Variants in DMRT3 observed in about 807,000 individuals in gnomAD.
The protein encoded by DMRT3 is doublesex- and mab-3-related transcription factor 3.
Under a neutral mutation model 34.9 loss-of-function variants are expected in DMRT3, and 29 were observed. That is an observed-to-expected ratio of 0.83 (90% confidence interval 0.62 to 1.13). The LOEUF (loss-of-function observed/expected upper bound fraction) is 1.13, where lower values mean the gene tolerates loss of function less well. Ranked by LOEUF, DMRT3 falls within the 50% of genes most tolerant of loss-of-function variation. The probability of loss-of-function intolerance (pLI) is 0.00; values close to 1 mark genes in which losing one functional copy is unlikely to be tolerated. For synonymous variants in DMRT3, 350 were observed against 286.0 expected (o/e 1.22, Z -2.26); for missense variants, 772 against 629.1 (o/e 1.23, Z -2.43).
In DMRT3 at chr9:990,442, C is replaced by G; in HGVS notation, c.856C>G (p.Leu286Val). 10 of 1,614,188 alleles carry G rather than the reference C, an allele frequency of 6.2e-6. No individual in the cohort carries two copies. The highest frequency in any genetic ancestry group is 8.5e-6 in the Non-Finnish European group (10 of 1,180,036). Reference sequence around the variant, plus strand: ...CCTGGTGAGCGCCGTGGAAGTCCTTCTGTCCAGCCGATCCTCAGTCACGGG... The same window carrying G: ...CCTGGTGAGCGCCGTGGAAGTCCTTGTGTCCAGCCGATCCTCAGTCACGGG... ...GDLVSAVEVL[L>V]SSRSSVTGAE... Residue 286 changes from leucine (L) to valine (V), a missense_variant, in exon 2 of 2, where the codon CTG becomes GTG. By Grantham distance (32) the Leu-to-Val change is conservative (BLOSUM62 1). Coordinates refer to ENST00000190165, the MANE Select transcript of DMRT3 (RefSeq NM_021240.4).
rs1039631492 is a variant in DMRT3, at chr9:977,630, T to A, written c.454+175T>A. On this transcript the variant is annotated intron_variant, in intron 1 of 1. Transcript: ENST00000190165. ...CCTCTCCCGGGAGAAGCCGGCTGAG[T>A]CTGGACCCAGCGCGAGTGGCACTCG... 2.6e-4 allele frequency among the ~76,000 whole-genome samples: 40 copies of A among 151,954 alleles called. 1 individual carries two copies. Among genetic ancestry groups the A allele is most frequent in the African/African-American group, 9.7e-4 (40 of 41,440 alleles).
chr9:980,795 G>C (rs1256377621), intron 1 of DMRT3, among the ~76,000 whole-genome samples: 1 of 152,114 alleles, frequency 6.6e-6, no homozygotes, highest in Non-Finnish European at 1.5e-5. Context: ...CAAGAGCTGA[G>C]GGAAGTTAAG....
chr9:980,602 G>A (rs372318274), intron 1 of DMRT3, among the ~76,000 whole-genome samples: 11 of 142,132 alleles, frequency 7.7e-5, no homozygotes, highest in South Asian at 6.4e-4. Context: ...ATATGTGTGT[G>A]TATATATATA....
intron 1 of DMRT3, among the ~76,000 whole-genome samples, chr9:979,467 AGGACTTT>A (rs1402144342): frequency 6.6e-6 from 1 of 152,184 alleles, no homozygotes; most frequent in Non-Finnish European, 1.5e-5. Flanking sequence ...GGTCCAAGTG[AGGACTTT>A]GGGGGACCGA....
rs1563690384 is a variant in DMRT3 at position 990,230 on chromosome 9, A to G, written c.644A>G (p.Glu215Gly). The G allele has an allele frequency of 1.9e-6, 3 of 1,614,076 alleles. No individual in the cohort carries two copies. Among genetic ancestry groups the G allele is most frequent in the Non-Finnish European group, 2.5e-6 (3 of 1,180,020 alleles). The change falls in exon 2 of 2, where the codon GAG becomes GGG. Residue 215 changes from glutamate to glycine, a missense_variant. Transcript: ENST00000190165. ...YAVQKNGGNP[E>G]SRPDSPKCHA... The stretch of plus-strand genomic sequence containing the variant: ...GTCCAGAAAAACGGAGGCAACCCCG[A>G]GAGCCGCCCTGACAGCCCCAAGTGT...
Position 990,261 on chromosome 9 carries a change from G to A in DMRT3, c.675G>A (p.Ala225=), listed in dbSNP as rs1395808284. The change falls in exon 2 of 2, where the codon GCG becomes GCA. Residue 225 remains alanine, a synonymous_variant. Transcript: ENST00000190165. ...ESRPDSPKCH[A]EQNHLLIEGP... Reference sequence around the variant, plus strand: ...GCCCTGACAGCCCCAAGTGTCACGCGGAGCAGAATCACCTCCTGATTGAGG... The same window carrying A: ...GCCCTGACAGCCCCAAGTGTCACGCAGAGCAGAATCACCTCCTGATTGAGG... 1.9e-6 allele frequency: 3 copies of A among 1,613,840 alleles called. No homozygotes were observed. Among genetic ancestry groups the A allele is most frequent in the East Asian group, 2.2e-5 (1 of 44,856 alleles).
chr9:991,517 C>G lies in DMRT3; in HGVS notation c.*512C>G, dbSNP rs906728979. 3.3e-5 allele frequency: 5 copies of G among 153,364 alleles called. No homozygotes were observed. Among genetic ancestry groups the G allele is most frequent in the African/African-American group, 1.2e-4 (5 of 41,458 alleles). 9.5% of individuals were successfully genotyped at this position (153,364 alleles called of 1,614,324 possible). On this transcript the variant is annotated 3_prime_UTR_variant, in exon 2 of 2. Coordinates refer to ENST00000190165, the MANE Select transcript of DMRT3 (RefSeq NM_021240.4). ...GCACTTAAGAATAGAGTGAACTGCTCATATGCTTATTTAAGCTTGGACAGT... is the reference window on the plus strand; with the variant it reads ...GCACTTAAGAATAGAGTGAACTGCTGATATGCTTATTTAAGCTTGGACAGT...
intron 1 of DMRT3, among the ~76,000 whole-genome samples, chr9:979,073 C>T (rs1027334224): frequency 6.6e-6 from 1 of 152,158 alleles, no homozygotes; most frequent in African/African-American, 2.4e-5. Context: ...AGGACTAGGG[C>T]AGAGGCCTGA....
intron 1 of DMRT3, among the ~76,000 whole-genome samples, chr9:986,007 T>C (rs1381096042): frequency 1.3e-5 from 2 of 152,256 alleles, no homozygotes; most frequent in African/African-American, 4.8e-5. Flanking sequence ...ATTTTGGCTA[T>C]AGCCAGACGG....
Position 991,216 on chromosome 9 carries a change from T to C in DMRT3, c.*211T>C. On this transcript the variant is annotated 3_prime_UTR_variant, in exon 2 of 2. Transcript: ENST00000190165. ...AAATAGCTCTGTTCTGTGGCTTTAG[T>C]GCTGAATGTTTATTGTAAAAGAGAG... is the stretch of plus-strand genomic sequence containing the variant. 5.4e-6 allele frequency: 3 copies of C among 553,488 alleles called. No homozygotes were observed. The South Asian group carries it at 8.6e-5, about 16-fold the overall frequency. 34.3% of individuals were successfully genotyped at this position (553,488 alleles called of 1,614,324 possible). A position where few individuals can be genotyped will look rare whatever the true frequency, so the allele number is the denominator to read the frequency against.
rs1026971151 is a variant in DMRT3, at chr9:990,518, G to A, written c.932G>A (p.Gly311Glu). Reference sequence around the variant, plus strand: ...GAGAGTCTAGCGTTGCCCTCCAATGGGCACATCTTTGAACACACCTTGAGC... The same window carrying A: ...GAGAGTCTAGCGTTGCCCTCCAATGAGCACATCTTTGAACACACCTTGAGC... ...EPESLALPSNGHIFEHTLSSY... is the reference protein window; with the variant it reads ...EPESLALPSNEHIFEHTLSSY... Residue 311 changes from glycine to glutamate, a missense_variant, in exon 2 of 2, where the codon GGG becomes GAG. Coordinates refer to ENST00000190165, the MANE Select transcript of DMRT3 (RefSeq NM_021240.4). 4 of 1,613,886 alleles carry A rather than the reference G, an allele frequency of 2.5e-6. No individual in the cohort carries two copies. The highest frequency in any genetic ancestry group is 3.4e-6 in the Non-Finnish European group (4 of 1,180,018).
chr9:977,023 T>C lies in DMRT3; in HGVS notation c.22T>C (p.Tyr8His). Residue 8 changes from tyrosine to histidine, a missense_variant, in exon 1 of 2, where the codon TAC becomes CAC. Physicochemically the swap from Tyr to His is moderately conservative, Grantham distance 83. Coordinates refer to ENST00000190165, the MANE Select transcript of DMRT3 (RefSeq NM_021240.4). MNGYGSP[Y>H]LYMGGPVSQP... ...GGGCATGAACGGCTACGGCTCCCCC[T>C]ACCTGTACATGGGCGGCCCGGTGTC... 1.3e-6 allele frequency: 2 copies of C among 1,547,304 alleles called. No individual in the cohort carries two copies. Among genetic ancestry groups the C allele is most frequent in the Non-Finnish European group, 1.7e-6 (2 of 1,149,008 alleles).
intron 1 of DMRT3, among the ~76,000 whole-genome samples, chr9:978,039 C>T (rs1290028325): frequency 1.3e-5 from 2 of 152,204 alleles, no homozygotes; most frequent in Admixed American, 6.5e-5. Context: ...TGCTCCGTGG[C>T]CTCCAGACTC....
In DMRT3 at chr9:991,142, C is replaced by T; in HGVS notation, c.*137C>T. The T allele has an allele frequency of 8.6e-7, 1 of 1,166,408 alleles. No individual in the cohort carries two copies. The highest frequency in any genetic ancestry group is 1.2e-6 in the Non-Finnish European group (1 of 834,550). The allele number at this position is 1,166,408 out of a possible 1,614,324, so 72.3% of individuals were successfully genotyped here. A position where few individuals can be genotyped will look rare whatever the true frequency, so the allele number is the denominator to read the frequency against. Reference sequence around the variant, plus strand: ...GACTGTGCTTGATTCTATACATTAGCAATAAAAACATAACTTATTTAACTT... The same window carrying T: ...GACTGTGCTTGATTCTATACATTAGTAATAAAAACATAACTTATTTAACTT... On this transcript the variant is annotated 3_prime_UTR_variant, in exon 2 of 2. Coordinates refer to ENST00000190165, the MANE Select transcript of DMRT3 (RefSeq NM_021240.4).
chr9:977,504 C>T, intron 1 of DMRT3, 49 bp downstream of exon 1: 6 of 1,244,320 alleles, frequency 4.8e-6, no homozygotes, highest in Non-Finnish European at 6.1e-6. Context: ...GGGGCAACTT[C>T]GGAGTGCCAG....
At chr9:980,976 A>G (rs1255086957) in intron 1 of DMRT3, among the ~76,000 whole-genome samples, 2 of 152,214 alleles carry the variant, frequency 1.3e-5, no homozygotes, top group Non-Finnish European at 2.9e-5. Context: ...CATCAAAATG[A>G]ATATGTACAC....
chr9:989,807 C>T, intron 1 of DMRT3: 1 of 483,218 alleles, frequency 2.1e-6, no homozygotes, highest in Admixed American at 3.9e-5. Flanking sequence ...AGGCAAGCTT[C>T]CTTGCACAAA....
At chr9:978,088 TAA>T (rs1256187761) in intron 1 of DMRT3, among the ~76,000 whole-genome samples, 2 of 152,156 alleles carry the variant, frequency 1.3e-5, no homozygotes, top group Non-Finnish European at 2.9e-5. Context: ...GCAATGATAG[TAA>T]AAGGGTCCGG....
Position 982,967 on chromosome 9 carries a change from A to G in DMRT3, c.454+5512A>G, listed in dbSNP as rs79433610. ...TGGCTTGTGCACGGGTGCTCATGGC[A>G]GAGGTGGAGGATGCAGTGATAGGAC... On this transcript the variant is annotated intron_variant, in intron 1 of 1. Transcript: ENST00000190165. 5.8e-3 allele frequency among the ~76,000 whole-genome samples: 887 copies of G among 152,236 alleles called. 8 individuals carry two copies. Among genetic ancestry groups the G allele is most frequent in the Non-Finnish European group, 1.0e-2 (680 of 68,026 alleles).
Sources: allele counts gnomAD v4.1 joint callset (sites outside exome capture counted in the v4.1 genomes callset), GRCh38; gene constraint gnomAD v4.1.1; transcripts MANE v1.5; gene names NCBI Gene and HGNC (gene_info 2026-07-23, HGNC 2026-07-21).